Variants in CLHC1 observed in about 807,000 individuals in gnomAD.
CLHC1 encodes clathrin heavy chain linker domain-containing protein 1.
Under a neutral mutation model 69.5 loss-of-function variants are expected in CLHC1, and 72 were observed. That is an observed-to-expected ratio of 1.04 (90% CI 0.86 to 1.26). The LOEUF (loss-of-function observed/expected upper bound fraction) is 1.26. CLHC1 is among the 50% of genes most tolerant of loss of function. The probability of loss-of-function intolerance (pLI) is 0.00; values close to 1 mark genes in which losing one functional copy is unlikely to be tolerated. For missense variants in CLHC1, 790 were observed against 679.3 expected, an observed-to-expected ratio of 1.16 and a Z score of -1.81; for synonymous variants, 223 against 224.3, an observed-to-expected ratio of 0.99 and a Z score of 0.05.
intron 1 of CLHC1, among the ~76,000 whole-genome samples, 184 bp from the exon 2 acceptor site, chr2:55,228,388 T>C (rs773507756): frequency 2.6e-5 from 4 of 152,242 alleles, no homozygotes; most frequent in Non-Finnish European, 5.9e-5. Context: ...CTTGTGGTGC[T>C]CTCAAACCAG....
intron 11 of CLHC1, among the ~76,000 whole-genome samples, chr2:55,179,934 C>T (rs1474131484): frequency 6.6e-6 from 1 of 152,148 alleles, no homozygotes; most frequent in Non-Finnish European, 1.5e-5. Flanking sequence ...GCGGGCAGAT[C>T]ACAAGATCAG....
intron 9 of CLHC1, 26 bp from the exon 10 acceptor site, chr2:55,181,770 G>A (rs764496022): frequency 1.3e-6 from 2 of 1,579,242 alleles, no homozygotes; most frequent in South Asian, 2.3e-5. Context: ...AATTTTCTGA[G>A]TCAAATACTT....
Position 55,201,739 on chromosome 2 carries a change from G to C in CLHC1, c.1006+4531C>G, listed in dbSNP as rs570545571. Among the ~76,000 whole-genome samples the C allele has an allele frequency of 2.0e-5, 3 of 152,172 alleles. No individual in the cohort carries two copies. The East Asian group carries it at 5.8e-4, about 29-fold the overall frequency. The stretch of plus-strand genomic sequence containing the variant: ...AAGAAAACTACATGTCAATAATTCT[G>C]ATAAACATTGATGCAAAAATCATCA... On this transcript the variant is annotated intron_variant, in intron 9 of 12. Coordinates refer to ENST00000401408, the MANE Select transcript of CLHC1 (RefSeq NM_152385.4).
In CLHC1 at chr2:55,204,109, A is replaced by G. The variant is rs190304691; in HGVS notation, c.1006+2161T>C. Among the ~76,000 whole-genome samples, 319 of 152,006 alleles carry G rather than the reference A, an allele frequency of 2.1e-3. 10 individuals carry two copies. The highest frequency in any genetic ancestry group is 0.019 in the Admixed American group (297 of 15,252). On this transcript the variant is annotated intron_variant, in intron 9 of 12. Transcript: ENST00000401408. Reference sequence around the variant, plus strand: ...AGACCAGCCTGACCAACATGATGAAACCCCATCTCTTCTAAAAATACAAAA... The same window carrying G: ...AGACCAGCCTGACCAACATGATGAAGCCCCATCTCTTCTAAAAATACAAAA...
intron 9 of CLHC1, among the ~76,000 whole-genome samples, chr2:55,183,024 T>A (rs1005234201): frequency 6.6e-6 from 1 of 152,060 alleles, no homozygotes; most frequent in Non-Finnish European, 1.5e-5. Flanking sequence ...CCAAGAAACA[T>A]CAAAGCCTAA....
intron 3 of CLHC1, chr2:55,218,584 A>AC (rs1463659274): frequency 1.3e-5 from 2 of 152,206 alleles, no homozygotes; most frequent in African/African-American, 4.8e-5. Flanking sequence ...ACAGAAGAAA[A>AC]CAGAAACGGT....
Position 55,185,927 on chromosome 2 carries a change from A to G in CLHC1, c.1007-4183T>C, listed in dbSNP as rs78656639. ...ATATGTCTTAAAAACTAGGTTTTAT[A>G]CAAACTTTTAAAAACAGAAAGCAAT... On this transcript the variant is annotated intron_variant, in intron 9 of 12. Transcript: ENST00000401408. 2.8e-4 allele frequency among the ~76,000 whole-genome samples: 42 copies of G among 152,352 alleles called. No individual in the cohort carries two copies. The East Asian group carries it at 7.9e-3, about 29-fold the overall frequency.
intron 9 of CLHC1, among the ~76,000 whole-genome samples, chr2:55,183,444 C>T (rs966782508): frequency 6.6e-6 from 1 of 152,186 alleles, no homozygotes; most frequent in African/African-American, 2.4e-5. Context: ...GAACTTTAGA[C>T]TCTATCAAGT....
At chr2:55,190,235 G>C (rs966456873) in intron 9 of CLHC1, among the ~76,000 whole-genome samples, 2 of 151,614 alleles carry the variant, frequency 1.3e-5, no homozygotes, top group Admixed American at 1.3e-4. Flanking sequence ...TTTTAGTAGA[G>C]ACGTGGTTTC....
intron 3 of CLHC1, among the ~76,000 whole-genome samples, chr2:55,220,119 C>T (rs907413975): frequency 7.9e-5 from 12 of 152,198 alleles, no homozygotes; most frequent in African/African-American, 2.9e-4. Flanking sequence ...ACCCTACAGT[C>T]CACCCCCAAC....
chr2:55,196,302 G>A (rs895690737), intron 9 of CLHC1, among the ~76,000 whole-genome samples: 1 of 152,138 alleles, frequency 6.6e-6, no homozygotes, highest in Admixed American at 6.5e-5. Context: ...GTGCTGTGCT[G>A]GACTCACAGT....
intron 9 of CLHC1, among the ~76,000 whole-genome samples, chr2:55,190,259 G>A (rs1670796451): frequency 6.6e-6 from 1 of 152,022 alleles, no homozygotes; most frequent in Admixed American, 6.6e-5. Flanking sequence ...ATGTTAGCCA[G>A]GTTGGTCTCG....
chr2:55,221,338 G>GA (rs774569616), intron 3 of CLHC1, among the ~76,000 whole-genome samples: 2 of 152,148 alleles, frequency 1.3e-5, no homozygotes, highest in African/African-American at 2.4e-5. Flanking sequence ...TGTTTAGAAG[G>GA]ATAATAGGTA....
chr2:55,194,312 C>G (rs1439582402), intron 9 of CLHC1, among the ~76,000 whole-genome samples: 1 of 152,014 alleles, frequency 6.6e-6, no homozygotes, highest in Non-Finnish European at 1.5e-5. Context: ...ACATAATCCT[C>G]TCAATAAATG....
In CLHC1 at chr2:55,221,813, A is replaced by G. The variant is rs141923076; in HGVS notation, c.177+422T>C. 3.1e-3 allele frequency among the ~76,000 whole-genome samples: 469 copies of G among 152,234 alleles called. 1 individual carries two copies. Among genetic ancestry groups the G allele is most frequent in the African/African-American group, 0.011 (439 of 41,540 alleles). ...GGCAACACAGAGACCTTGTCTCTAC[A>G]AAAAATTTTAAAAATTAGTCAGGAG... On this transcript the variant is annotated intron_variant, in intron 3 of 12. Transcript: ENST00000401408.
At chr2:55,223,569 G>A (rs1040406552) in intron 2 of CLHC1, among the ~76,000 whole-genome samples, 14 of 152,088 alleles carry the variant, frequency 9.2e-5, no homozygotes, top group Non-Finnish European at 1.6e-4. Flanking sequence ...TTTGGGGACC[G>A]GATGGAGGAG....
intron 9 of CLHC1, among the ~76,000 whole-genome samples, chr2:55,192,963 T>G (rs914843767): frequency 6.7e-6 from 1 of 149,834 alleles, no homozygotes; most frequent in Non-Finnish European, 1.5e-5. Context: ...TGATATCAGC[T>G]CACTGCAACC....
In CLHC1 at chr2:55,173,092, G is replaced by C. The variant is rs761988352; in HGVS notation, c.*2698C>G. ...CCTAATATGAAATCAGAGAAACTTA[G>C]TTCATCATGACCCTTGCTTTGCAAC... On this transcript the variant is annotated 3_prime_UTR_variant, in exon 13 of 13. Transcript: ENST00000401408. 8.5e-5 allele frequency among the ~76,000 whole-genome samples: 13 copies of C among 152,156 alleles called. No homozygotes were observed. The highest frequency in any genetic ancestry group is 1.8e-4 in the Non-Finnish European group (12 of 68,030).
At chr2:55,180,419 G>A (rs750250572) in intron 11 of CLHC1, 91 bp downstream of exon 11, 22 of 872,612 alleles carry the variant, frequency 2.5e-5, no homozygotes, top group African/African-American at 8.5e-5. Flanking sequence ...ATTTTATAAC[G>A]TAAGTTTAAA....
Sources: allele counts gnomAD v4.1 joint callset (sites outside exome capture counted in the v4.1 genomes callset), GRCh38; gene constraint gnomAD v4.1.1; transcripts MANE v1.5; gene names NCBI Gene and HGNC (gene_info 2026-07-23, HGNC 2026-07-21).